The following ZNF407 variants were observed in gnomAD, a reference collection of about 807,000 sequenced individuals.
The protein encoded by ZNF407 is zinc finger protein 407.
Under a neutral mutation model 131.2 loss-of-function variants are expected in ZNF407, and 17 were observed. The ratio of observed to expected loss-of-function variants is 0.13; its 90% CI spans 0.09 to 0.19. ZNF407 has a LOEUF of 0.19. Among genes scored for constraint, ZNF407 ranks in the 10% least tolerant of loss-of-function variants. ZNF407 has a pLI of 1.00. For synonymous variants in ZNF407, 1,156 were observed against 1,062.0 expected, an observed-to-expected ratio of 1.09 and a Z score of -1.72; for missense variants, 2,681 against 2,830.6, an observed-to-expected ratio of 0.95 and a Z score of 1.20.
chr18:74,686,844 T>C (rs1967107458), intron 3 of ZNF407, among the ~76,000 whole-genome samples: 1 of 152,260 alleles, frequency 6.6e-6, no homozygotes, highest in African/African-American at 2.4e-5. Context: ...CAATGTCTGT[T>C]GTCAAGAAAA....
chr18:74,688,938 C>T (rs1967157971), intron 3 of ZNF407, among the ~76,000 whole-genome samples: 1 of 152,118 alleles, frequency 6.6e-6, no homozygotes, highest in Non-Finnish European at 1.5e-5. Flanking sequence ...AAGCGATTCT[C>T]CTGCCTCAGT....
chr18:74,863,227 G>T (rs374126252), intron 4 of ZNF407, among the ~76,000 whole-genome samples: 1 of 150,966 alleles, frequency 6.6e-6, no homozygotes. Flanking sequence ...GGCTCACTTG[G>T]GTTTTTTTTC....
chr18:74,656,795 G>T (rs1189530967), intron 3 of ZNF407, among the ~76,000 whole-genome samples: 2 of 152,146 alleles, frequency 1.3e-5, no homozygotes, highest in Non-Finnish European at 2.9e-5. Context: ...TATTTACCAA[G>T]AATAGGATTT....
chr18:75,053,884 C>G (rs1973530772), intron 8 of ZNF407, among the ~76,000 whole-genome samples: 1 of 152,228 alleles, frequency 6.6e-6, no homozygotes, highest in Non-Finnish European at 1.5e-5. Context: ...CTCCCCTTGA[C>G]TTGCTCCGCG....
At chr18:74,790,050 C>G (rs1969797109) in intron 4 of ZNF407, among the ~76,000 whole-genome samples, 3 of 152,020 alleles carry the variant, frequency 2.0e-5, no homozygotes, top group Non-Finnish European at 2.9e-5. Flanking sequence ...CATCACATTC[C>G]TATGGAACAT....
chr18:74,642,374 T>A (rs1984763317), intron 3 of ZNF407, among the ~76,000 whole-genome samples: 1 of 152,106 alleles, frequency 6.6e-6, no homozygotes, highest in African/African-American at 2.4e-5. Context: ...TTAAAAGATA[T>A]CTCATCTATT....
intron 8 of ZNF407, among the ~76,000 whole-genome samples, chr18:74,969,679 G>A (rs758672003): frequency 6.6e-6 from 1 of 152,164 alleles, no homozygotes; most frequent in Non-Finnish European, 1.5e-5. Flanking sequence ...AGGGGAAGAG[G>A]GTCTTGGGCC....
At chr18:74,816,903 T>C (rs1181748341) in intron 4 of ZNF407, among the ~76,000 whole-genome samples, 1 of 152,210 alleles carries the variant, frequency 6.6e-6, no homozygotes, top group Admixed American at 6.5e-5. Flanking sequence ...TTTCTTTTCC[T>C]TTTGTCTGTT....
At chr18:74,676,490 G>T (rs1477300866) in intron 3 of ZNF407, among the ~76,000 whole-genome samples, 3 of 146,582 alleles carry the variant, frequency 2.0e-5, no homozygotes, top group Non-Finnish European at 4.5e-5. Context: ...AGGCTGGAGT[G>T]CAGTGGCGGG....
chr18:74,979,775 AT>A (rs1972567933), intron 8 of ZNF407, among the ~76,000 whole-genome samples: 1 of 152,140 alleles, frequency 6.6e-6, no homozygotes, highest in Admixed American at 6.5e-5. Flanking sequence ...TAAAAGGACC[AT>A]TTATTATTAA....
intron 3 of ZNF407, among the ~76,000 whole-genome samples, chr18:74,742,903 T>C (rs541819619): frequency 6.6e-6 from 1 of 152,274 alleles, no homozygotes; most frequent in Admixed American, 6.5e-5. Context: ...GGTATAATTA[T>C]GGGTCTTAAG....
At chr18:75,020,458 C>G (rs1599297206) in intron 8 of ZNF407, among the ~76,000 whole-genome samples, 1 of 152,030 alleles carries the variant, frequency 6.6e-6, no homozygotes, top group South Asian at 2.1e-4. Flanking sequence ...AAATCAAGAA[C>G]AAGATTGTAT....
intron 3 of ZNF407, among the ~76,000 whole-genome samples, chr18:74,681,853 A>C (rs1001618442): frequency 3.9e-5 from 6 of 152,174 alleles, no homozygotes; most frequent in African/African-American, 7.2e-5. Flanking sequence ...TAATCATTTA[A>C]TGGCATTGTT....
intron 3 of ZNF407, among the ~76,000 whole-genome samples, chr18:74,747,735 G>A (rs1968703824): frequency 6.6e-6 from 1 of 152,066 alleles, no homozygotes. Flanking sequence ...AGCTGCATTA[G>A]TAAAGCTCAT....
At chr18:74,827,631 G>C (rs1489671996) in intron 4 of ZNF407, among the ~76,000 whole-genome samples, 1 of 152,060 alleles carries the variant, frequency 6.6e-6, no homozygotes, top group Non-Finnish European at 1.5e-5. Flanking sequence ...CTCAGCCCTG[G>C]AATTGTCTCT....
At chr18:74,776,862 G>T (rs1228433559) in intron 3 of ZNF407, among the ~76,000 whole-genome samples, 1 of 152,154 alleles carries the variant, frequency 6.6e-6, no homozygotes, top group Non-Finnish European at 1.5e-5. Flanking sequence ...ATAATCATAG[G>T]GAAGAAAATG....
chr18:74,848,087 A>G (rs1055925464), intron 4 of ZNF407, among the ~76,000 whole-genome samples: 1 of 152,184 alleles, frequency 6.6e-6, no homozygotes, highest in Non-Finnish European at 1.5e-5. Flanking sequence ...CATATATTTT[A>G]TAGCGTGACA....
intron 4 of ZNF407, among the ~76,000 whole-genome samples, chr18:74,870,871 A>G (rs1466432155): frequency 1.3e-5 from 2 of 152,192 alleles, no homozygotes; most frequent in Non-Finnish European, 2.9e-5. Flanking sequence ...AACTCCATAG[A>G]AATATGGTGA....
At chr18:74,977,986 T>C (rs1335461449) in intron 8 of ZNF407, among the ~76,000 whole-genome samples, 1 of 152,238 alleles carries the variant, frequency 6.6e-6, no homozygotes, top group African/African-American at 2.4e-5. Context: ...TAATGTGGTC[T>C]AACTTTCAAC....
Sources: allele counts gnomAD v4.1 joint callset (sites outside exome capture counted in the v4.1 genomes callset), GRCh38; gene constraint gnomAD v4.1.1; transcripts MANE v1.5; gene names NCBI Gene and HGNC (gene_info 2026-07-23, HGNC 2026-07-21).